The following CDYL variants were observed in gnomAD, a reference collection of about 807,000 sequenced individuals.
The protein encoded by CDYL is chromodomain Y-like protein.
Under a neutral mutation model 47.3 loss-of-function variants are expected in CDYL, and 8 were observed. The observed-to-expected ratio is 0.17, with a 90% CI of 0.10 to 0.31. The LOEUF is 0.31. Ranked by LOEUF, CDYL falls within the 10% of genes least tolerant of loss-of-function variation. The pLI is 1.00. For missense variants in CDYL, 471 were observed against 701.4 expected, an observed-to-expected ratio of 0.67 and a Z score of 3.71; for synonymous variants, 266 against 265.0, an observed-to-expected ratio of 1.00 and a Z score of -0.04.
chr6:4,896,892 AGAAT>A (rs1762299196), intron 2 of CDYL, among the ~76,000 whole-genome samples: 1 of 152,218 alleles, frequency 6.6e-6, no homozygotes, highest in African/African-American at 2.4e-5. Context: ...GTGAACCCAA[AGAAT>A]GAATGTTTCT....
chr6:4,784,619 A>G (rs187986002), intron 1 of CDYL, among the ~76,000 whole-genome samples: 1 of 152,326 alleles, frequency 6.6e-6, no homozygotes, highest in Admixed American at 6.5e-5. Context: ...ATGCCTTGAT[A>G]TATAGTCTTG....
chr6:4,820,753 A>G (rs777724632), intron 1 of CDYL, among the ~76,000 whole-genome samples: 3 of 152,238 alleles, frequency 2.0e-5, no homozygotes, highest in Non-Finnish European at 4.4e-5. Context: ...TGCCCACAAG[A>G]TGACTGAGAT....
At chr6:4,747,430 T>C (rs1449357660) in intron 3 of CDYL, among the ~76,000 whole-genome samples, 3 of 152,182 alleles carry the variant, frequency 2.0e-5, no homozygotes, top group African/African-American at 7.2e-5. Context: ...CTTTCTTTTA[T>C]TTATTTATGT....
chr6:4,872,324 C>CTTTTTTTT (rs56242830), intron 1 of CDYL, among the ~76,000 whole-genome samples: 1 of 121,648 alleles, frequency 8.2e-6, no homozygotes, highest in African/African-American at 2.9e-5. Context: ...TTTGATTTGG[C>CTTTTTTTT]TTTTTTTTTT....
chr6:4,829,469 A>G (rs1191487508), intron 1 of CDYL, among the ~76,000 whole-genome samples: 1 of 152,194 alleles, frequency 6.6e-6, no homozygotes, highest in Non-Finnish European at 1.5e-5. Context: ...CCAGGTTTGC[A>G]TTGAGCCAGG....
chr6:4,856,940 T>C (rs937059231), intron 1 of CDYL, among the ~76,000 whole-genome samples: 2 of 152,240 alleles, frequency 1.3e-5, no homozygotes, highest in African/African-American at 2.4e-5. Context: ...CTGTCTCATA[T>C]GATTTTTAAT....
At chr6:4,733,216 G>C (rs1757640926) in intron 2 of CDYL, 1 of 152,166 alleles carries the variant, frequency 6.6e-6, no homozygotes, top group Admixed American at 6.6e-5. Flanking sequence ...GTTTCAAGAG[G>C]AATGTCAGTG....
At chr6:4,846,171 G>T (rs140275188) in intron 1 of CDYL, among the ~76,000 whole-genome samples, 1 of 150,288 alleles carries the variant, frequency 6.7e-6, no homozygotes, top group Non-Finnish European at 1.5e-5. Context: ...TTGTCTTTGG[G>T]TACTGCCTTC....
At chr6:4,715,176 A>ACTTCCTTGTC (rs1757230383) in intron 1 of CDYL, among the ~76,000 whole-genome samples, 1 of 152,088 alleles carries the variant, frequency 6.6e-6, no homozygotes, top group African/African-American at 2.4e-5. Context: ...AGAATGACTC[A>ACTTCCTTGTC]CTTCCTTGTC....
intron 1 of CDYL, among the ~76,000 whole-genome samples, chr6:4,797,787 A>AC (rs1476139282): frequency 2.0e-5 from 3 of 152,044 alleles, no homozygotes; most frequent in African/African-American, 7.2e-5. Context: ...GCTGATTAAT[A>AC]CCCCATTTTG....
At chr6:4,747,135 T>C (rs1167767622) in intron 3 of CDYL, among the ~76,000 whole-genome samples, 1 of 152,026 alleles carries the variant, frequency 6.6e-6, no homozygotes, top group Non-Finnish European at 1.5e-5. Flanking sequence ...GGTGAAACCC[T>C]GTCTCTATTG....
At chr6:4,870,369 A>G (rs989192936) in intron 1 of CDYL, among the ~76,000 whole-genome samples, 1 of 152,174 alleles carries the variant, frequency 6.6e-6, no homozygotes, top group African/African-American at 2.4e-5. Flanking sequence ...AGAGTCAGCC[A>G]TTATATTTGT....
At chr6:4,888,488 C>T (rs992920499) in intron 1 of CDYL, among the ~76,000 whole-genome samples, 1 of 151,722 alleles carries the variant, frequency 6.6e-6, no homozygotes, top group Non-Finnish European at 1.5e-5. Context: ...AGTAATGTTC[C>T]CTCTTTAATT....
At chr6:4,715,996 C>T (rs934082835) in intron 2 of CDYL, 7 of 1,451,464 alleles carry the variant, frequency 4.8e-6, no homozygotes, top group African/African-American at 2.9e-5. Context: ...CGCCTATAAT[C>T]CCAGCACTTT....
Position 4,954,280 on chromosome 6 carries a change from T to TAAAG in CDYL, c.*225_*226insAAGA. On this transcript the variant is annotated 3_prime_UTR_variant, in exon 7 of 7. Coordinates refer to ENST00000397588, the MANE Select transcript of CDYL (RefSeq NM_004824.4). ...CTTCTTTGTCCAAACGTCATTATTT[T>TAAAG]ATACTTATATACACGCAGGTGTAAA... The TAAAG allele has an allele frequency of 2.4e-6, 1 of 420,262 alleles. No homozygotes were observed. The highest frequency in any genetic ancestry group is 4.2e-6 in the Non-Finnish European group (1 of 236,090). The allele number at this position is 420,262 out of a possible 1,614,324, so 26.0% of individuals were successfully genotyped here. A position where few individuals can be genotyped will look rare whatever the true frequency, so the allele number is the denominator to read the frequency against.
chr6:4,747,519 CTG>C (rs1401962498), intron 3 of CDYL, among the ~76,000 whole-genome samples: 1 of 152,180 alleles, frequency 6.6e-6, no homozygotes, highest in African/African-American at 2.4e-5. Flanking sequence ...ATTTCCCCAA[CTG>C]TGCGTTTTCC....
chr6:4,718,194 C>T (rs748089862), intron 2 of CDYL, among the ~76,000 whole-genome samples: 2 of 152,006 alleles, frequency 1.3e-5, no homozygotes, highest in Admixed American at 6.6e-5. Flanking sequence ...ATGTATTATG[C>T]CATAGACCAG....
At chr6:4,838,065 A>G (rs1489992412) in intron 1 of CDYL, among the ~76,000 whole-genome samples, 3 of 152,094 alleles carry the variant, frequency 2.0e-5, no homozygotes, top group Admixed American at 1.3e-4. Flanking sequence ...CTTGTGAGCT[A>G]TCACACCAGG....
chr6:4,718,835 T>C (rs1757318015), intron 2 of CDYL, among the ~76,000 whole-genome samples: 1 of 152,200 alleles, frequency 6.6e-6, no homozygotes, highest in South Asian at 2.1e-4. Flanking sequence ...CATTATCATT[T>C]TAGATTCCTG....
Sources: allele counts gnomAD v4.1 joint callset (sites outside exome capture counted in the v4.1 genomes callset), GRCh38; gene constraint gnomAD v4.1.1; transcripts MANE v1.5; gene names NCBI Gene and HGNC (gene_info 2026-07-23, HGNC 2026-07-21).